The following WDR49 variants were observed in gnomAD, a reference collection of about 807,000 sequenced individuals.
WDR49 encodes cilia- and flagella-associated protein 337.
WDR49 carries 107 observed loss-of-function variants against 119.5 expected under a neutral mutation model. The ratio of observed to expected loss-of-function variants is 0.90; its 90% CI spans 0.77 to 1.05. The LOEUF is 1.05. Among genes scored for constraint, WDR49 ranks in the 50% least tolerant of loss-of-function variants. The pLI is 0.00. For missense variants in WDR49, 1,240 were observed against 1,220.5 expected, an observed-to-expected ratio of 1.02 and a Z score of -0.24; for synonymous variants, 425 against 418.8, an observed-to-expected ratio of 1.01 and a Z score of -0.18.
chr3:167,640,156 G>A (rs761216877), intron 2 of WDR49, among the ~76,000 whole-genome samples: 9 of 151,800 alleles, frequency 5.9e-5, no homozygotes, highest in Non-Finnish European at 1.2e-4. Flanking sequence ...TGTCCTCAAT[G>A]TTTTTGCACC....
intron 18 of WDR49, among the ~76,000 whole-genome samples, chr3:167,486,470 C>CA (rs1267512966): frequency 1.3e-5 from 2 of 151,578 alleles, no homozygotes; most frequent in Non-Finnish European, 1.5e-5. Flanking sequence ...ATGCTGGTTA[C>CA]AAAAAAAAGA....
intron 7 of WDR49, among the ~76,000 whole-genome samples, chr3:167,583,343 T>C (rs1029676537): frequency 6.6e-6 from 1 of 152,138 alleles, no homozygotes; most frequent in Non-Finnish European, 1.5e-5. Flanking sequence ...TAAATTATCA[T>C]TAAAAACTAG....
rs572706392 is a variant in WDR49, at chr3:167,489,369, T to G, written c.3032-10373A>C. Among the ~76,000 whole-genome samples, 40 of 152,194 alleles carry G rather than the reference T, an allele frequency of 2.6e-4. No homozygotes were observed. The South Asian group carries it at 6.6e-3, about 25-fold the overall frequency. On this transcript the variant is annotated intron_variant, in intron 18 of 18. Coordinates refer to ENST00000682715, the MANE Select transcript of WDR49 (RefSeq NM_001366157.1). ...CCCTATAATATTCATAAAAGGGTGATTCTCCATGTCACATATATACATATA... is the reference window on the plus strand; with the variant it reads ...CCCTATAATATTCATAAAAGGGTGAGTCTCCATGTCACATATATACATATA...
chr3:167,651,834 G>A (rs73033732), intron 2 of WDR49, among the ~76,000 whole-genome samples: 1,820 of 152,140 alleles, frequency 0.012, 38 homozygotes, highest in African/African-American at 0.041. Flanking sequence ...AGACTAATCT[G>A]CAGTTTGGAA....
intron 18 of WDR49, among the ~76,000 whole-genome samples, chr3:167,481,126 G>A (rs1750704028): frequency 6.8e-6 from 1 of 147,614 alleles, no homozygotes; most frequent in East Asian, 2.0e-4. Flanking sequence ...GTTTTAAAAT[G>A]AACACAGCAT....
At chr3:167,638,549 T>C (rs1439801516) in intron 2 of WDR49, among the ~76,000 whole-genome samples, 1 of 151,610 alleles carries the variant, frequency 6.6e-6, no homozygotes, top group Non-Finnish European at 1.5e-5. Context: ...TAGGTTTTGC[T>C]GTCAAATTCT....
At chr3:167,654,601 T>A (rs1718533139), upstream of WDR49, among the ~76,000 whole-genome samples, 1 of 152,058 alleles carries the variant, frequency 6.6e-6, no homozygotes, top group African/African-American at 2.4e-5. Flanking sequence ...ATTTTACTGA[T>A]AAAGAAGCAA....
rs115785250 is a variant in WDR49 at position 167,599,195 on chromosome 3, G to A, written c.1275+2932C>T. Among the ~76,000 whole-genome samples, 832 of 152,240 alleles carry A rather than the reference G, an allele frequency of 5.5e-3. 8 individuals carry two copies. The highest frequency in any genetic ancestry group is 0.01 in the Non-Finnish European group (683 of 68,010). On this transcript the variant is annotated intron_variant, in intron 7 of 18. Coordinates refer to ENST00000682715, the MANE Select transcript of WDR49 (RefSeq NM_001366157.1). ...GGCAGTTAGTTCCCTCAGGTCCCAG[G>A]CAGGTCCAGAGATGCTGTCCAGGAA... is the stretch of plus-strand genomic sequence containing the variant.
intron 5 of WDR49, among the ~76,000 whole-genome samples, chr3:167,609,019 T>C (rs1393796757): frequency 6.6e-6 from 1 of 152,130 alleles, no homozygotes; most frequent in Non-Finnish European, 1.5e-5. Flanking sequence ...GGGAAAGTGA[T>C]TTGAAAATGA....
chr3:167,612,700 G>A (rs897384845), intron 5 of WDR49, among the ~76,000 whole-genome samples: 5 of 152,226 alleles, frequency 3.3e-5, no homozygotes, highest in African/African-American at 1.2e-4. Flanking sequence ...ATGCCAATAA[G>A]TTGGCAAATC....
intron 15 of WDR49, among the ~76,000 whole-genome samples, chr3:167,526,608 G>A (rs1206105034): frequency 6.6e-6 from 1 of 152,116 alleles, no homozygotes. Flanking sequence ...AAAGTCTAGT[G>A]CTTGTCTTAT....
rs534843574 is a variant in WDR49, at chr3:167,528,122, A to C, written c.2407-105T>G. 147 of 889,496 alleles carry C rather than the reference A, an allele frequency of 1.7e-4. 3 individuals carry two copies. In the South Asian group the frequency reaches 2.9e-3, roughly 17 times the overall value. The allele number at this position is 889,496 out of a possible 1,614,324, so 55.1% of individuals were successfully genotyped here. A position where few individuals can be genotyped will look rare whatever the true frequency, so the allele number is the denominator to read the frequency against. On this transcript the variant is annotated intron_variant, in intron 14 of 18. Coordinates refer to ENST00000682715, the MANE Select transcript of WDR49 (RefSeq NM_001366157.1). ...CCGATTTTCAAACTTGGGAACAATAACCTATGATCCAAATGCAAAAGAAAA... is the reference window on the plus strand; with the variant it reads ...CCGATTTTCAAACTTGGGAACAATACCCTATGATCCAAATGCAAAAGAAAA...
chr3:167,497,488 G>A (rs1157104746), intron 18 of WDR49, among the ~76,000 whole-genome samples: 1 of 151,992 alleles, frequency 6.6e-6, no homozygotes, highest in Non-Finnish European at 1.5e-5. Context: ...GGTTATTTCT[G>A]CCCAGCCATT....
At chr3:167,508,030 AC>A (rs1347177929) in intron 16 of WDR49, among the ~76,000 whole-genome samples, 2 of 152,226 alleles carry the variant, frequency 1.3e-5, no homozygotes, top group Non-Finnish European at 2.9e-5. Context: ...AAGGCGATCT[AC>A]TATGGGATCC....
chr3:167,514,395 C>G (rs1431226729), intron 16 of WDR49, among the ~76,000 whole-genome samples: 1 of 151,980 alleles, frequency 6.6e-6, no homozygotes, highest in Non-Finnish European at 1.5e-5. Flanking sequence ...TTAAGAAGTT[C>G]CTTGAAACTA....
intron 18 of WDR49, among the ~76,000 whole-genome samples, chr3:167,486,636 T>C (rs1750929861): frequency 6.6e-6 from 1 of 151,816 alleles, no homozygotes. Context: ...TTTAAACAAA[T>C]AAAAATTAAG....
At chr3:167,626,735 A>G (rs1328148048) in intron 3 of WDR49, 117 bp downstream of exon 3, 1 of 785,522 alleles carries the variant, frequency 1.3e-6, no homozygotes, top group Admixed American at 4.3e-5. Flanking sequence ...TTCTCCCTCC[A>G]GGTCAGGAGA....
chr3:167,522,466 C>T lies in WDR49; in HGVS notation c.2623G>A (p.Glu875Lys). ...CTTTTAGGAAGGAAAAGGCAGTTTT[C>T]AATATGCCAGTGCTTTGCCTGAAAA... The part of the protein sequence containing the change: ...IFGQAKHWHI[E>K]NCLFLPKRDT... The change falls in exon 16 of 19, where the codon GAA (glutamate) becomes AAA (lysine). Residue 875 changes from glutamate to lysine, a missense_variant. Physicochemically the swap from Glu to Lys is moderately conservative, Grantham distance 56 (BLOSUM62 1). Coordinates refer to ENST00000682715, the MANE Select transcript of WDR49 (RefSeq NM_001366157.1). 2 of 1,598,628 alleles carry T rather than the reference C, an allele frequency of 1.3e-6. No individual in the cohort carries two copies. The highest frequency in any genetic ancestry group is 1.1e-5 in the South Asian group (1 of 87,048).
intron 7 of WDR49, among the ~76,000 whole-genome samples, chr3:167,600,608 C>G (rs777540964): frequency 6.6e-6 from 1 of 152,126 alleles, no homozygotes; most frequent in Non-Finnish European, 1.5e-5. Context: ...ATTTTCAATA[C>G]TGATGCATCT....
Sources: gnomAD v4.1 joint callset for allele counts (sites outside exome capture counted in the v4.1 genomes callset) on GRCh38, gnomAD v4.1.1 for gene constraint, MANE v1.5 for transcripts, NCBI Gene and HGNC (gene_info 2026-07-23, HGNC 2026-07-21) for gene names.